The following FHOD1 variants were observed in gnomAD, a reference collection of about 807,000 sequenced individuals.
The protein encoded by FHOD1 is FH1/FH2 domain-containing protein 1.
Under a neutral mutation model 111.6 loss-of-function variants are expected in FHOD1, and 89 were observed. The observed-to-expected ratio is 0.80, with a 90% CI of 0.67 to 0.95. The LOEUF (loss-of-function observed/expected upper bound fraction) is 0.95. FHOD1 is among the 40% of genes least tolerant of loss of function. The pLI is 0.00. For missense variants in FHOD1, 1,446 were observed against 1,554.2 expected, an observed-to-expected ratio of 0.93 and a Z score of 1.17; for synonymous variants, 618 against 639.0, an observed-to-expected ratio of 0.97 and a Z score of 0.50.
chr16:67,238,791 G>A lies in FHOD1; in HGVS notation c.373+112C>T. 3 of 999,668 alleles carry A rather than the reference G, an allele frequency of 3.0e-6. No homozygotes were observed. The highest frequency in any genetic ancestry group is 4.8e-6 in the Non-Finnish European group (3 of 628,006). 61.9% of individuals were successfully genotyped at this position (999,668 alleles called of 1,614,324 possible). A position where few individuals can be genotyped will look rare whatever the true frequency, so the allele number is the denominator to read the frequency against. The stretch of plus-strand genomic sequence containing the variant: ...AAGAGGTCAGGATAGGGAGAGGAAG[G>A]AGCACATACAGCTAAACCTACTTTG... On this transcript the variant is annotated intron_variant, in intron 3 of 21. Transcript: ENST00000258201. This position sits in a 1 kb window ranked among gnomAD's most constrained non-coding sequence, Gnocchi z 4.2.
intron 1 of FHOD1, among the ~76,000 whole-genome samples, chr16:67,243,363 T>G (rs1269164739): frequency 6.6e-6 from 1 of 151,842 alleles, no homozygotes; most frequent in East Asian, 1.9e-4. Context: ...GGCACCGGAC[T>G]GCCTCTTTTT....
Position 67,237,474 on chromosome 16 carries a change from C to A in FHOD1, c.849+1G>T. 3.1e-6 allele frequency: 5 copies of A among 1,614,176 alleles called. No homozygotes were observed. Among genetic ancestry groups the A allele is most frequent in the Non-Finnish European group, 4.2e-6 (5 of 1,180,024 alleles). On this transcript the variant is annotated splice_donor_variant, in intron 8 of 21. Transcript: ENST00000258201. LOFTEE classifies it high-confidence loss of function. This position sits in a 1 kb window ranked among gnomAD's most constrained non-coding sequence, Gnocchi z 5.6. ...AGCTGGCACCCAGTCCTTGGCCACA[C>A]CTTGTTGATGAGGGTGACCGTGTAC...
intron 1 of FHOD1, among the ~76,000 whole-genome samples, chr16:67,243,702 CAGA>C (rs2034729340): frequency 6.6e-6 from 1 of 152,138 alleles, no homozygotes; most frequent in Non-Finnish European, 1.5e-5. Flanking sequence ...GGGCTGGGGC[CAGA>C]AGGATTGCCA....
rs1290436835 is a variant in FHOD1, at chr16:67,238,835, C to T, written c.373+68G>A. 4.0e-6 allele frequency: 6 copies of T among 1,494,262 alleles called. No homozygotes were observed. The highest frequency in any genetic ancestry group is 9.3e-7 in the Non-Finnish European group (1 of 1,070,614). 92.6% of individuals were successfully genotyped at this position (1,494,262 alleles called of 1,614,324 possible). On this transcript the variant is annotated intron_variant, in intron 3 of 21. Transcript: ENST00000258201. This position sits in a 1 kb window ranked among gnomAD's most constrained non-coding sequence, Gnocchi z 4.2. ...TACTTTGCTCACTGTTCAGCACAGG[C>T]CTGAAGGTGAGCCAACTGGGCTATG...
Position 67,231,689 on chromosome 16 carries a change from G to A in FHOD1, c.2333C>T (p.Ala778Val). Reference sequence around the variant, plus strand: ...GAAGGCCCAGAGTTGTAGACGAGCAGCGAGGCCGCCAATGGAGGCAAGAGT... The same window carrying A: ...GAAGGCCCAGAGTTGTAGACGAGCAACGAGGCCGCCAATGGAGGCAAGAGT... ...LMTLASIGGL[A>V]ARLQLWAFKL... is the part of the protein sequence containing the mutation. Residue 778 changes from alanine (A) to valine (V), a missense_variant, in exon 15 of 22, where the codon GCT (alanine) becomes GTT (valine). By Grantham distance (64) the Ala-to-Val change is moderately conservative. This residue lies in a region of FHOD1 where 1,085 missense variants were observed against 1,108.8 expected (regional missense o/e 0.98). Coordinates refer to ENST00000258201, the MANE Select transcript of FHOD1 (RefSeq NM_013241.3). The surrounding 1 kb of genome is among the most constrained non-coding windows in gnomAD (Gnocchi z 4.3). 6.2e-7 allele frequency: 1 copy of A among 1,614,184 alleles called. No homozygotes were observed. Among genetic ancestry groups the A allele is most frequent in the Non-Finnish European group, 8.5e-7 (1 of 1,180,028 alleles).
intron 21 of FHOD1, 21 bp downstream of exon 21, chr16:67,229,772 G>A: frequency 6.2e-7 from 1 of 1,614,164 alleles, no homozygotes; most frequent in South Asian, 1.1e-5. Context: ...GTGGGCAGTG[G>A]GATTGTGGGG....
rs557437499 is a variant in FHOD1 at position 67,247,377 on chromosome 16, G to A, written c.34C>T (p.Pro12Ser). Residue 12 changes from proline to serine, a missense_variant, in exon 1 of 22, where the codon CCG (proline) becomes TCG (serine). Coordinates refer to ENST00000258201, the MANE Select transcript of FHOD1 (RefSeq NM_013241.3). Reference sequence around the variant, plus strand: ...ACCCTCACGGTCACCACTGATACCGGCTCTCCGTCCCCGCGGTCTTCCCCG... The same window carrying A: ...ACCCTCACGGTCACCACTGATACCGACTCTCCGTCCCCGCGGTCTTCCCCG... ...AGGEDRGDGE[P>S]VSVVTVRVQY... 6.2e-7 allele frequency: 1 copy of A among 1,613,266 alleles called. No individual in the cohort carries two copies. Among genetic ancestry groups the A allele is most frequent in the Non-Finnish European group, 8.5e-7 (1 of 1,179,726 alleles).
intron 1 of FHOD1, among the ~76,000 whole-genome samples, chr16:67,244,938 C>G (rs753207662): frequency 6.6e-6 from 1 of 152,152 alleles, no homozygotes; most frequent in Non-Finnish European, 1.5e-5. Flanking sequence ...TATAGGACTA[C>G]GGGAGGAACC....
rs191952208 is a variant in FHOD1, at chr16:67,234,485, G to T, written c.1320-13C>A. On this transcript the variant is annotated splice_polypyrimidine_tract_variant and intron_variant, in intron 11 of 21. Transcript: ENST00000258201. ...CAGGAACCGGGCTCTGAGGGAAGGT[G>T]CTTGTCACTGACAGCGTCTGACACA... The T allele has an allele frequency of 5.8e-6, 9 of 1,564,902 alleles. No individual in the cohort carries two copies. The highest frequency in any genetic ancestry group is 5.2e-6 in the Non-Finnish European group (6 of 1,157,868).
At position 67,247,290 on chromosome 16, in the gene FHOD1, G is replaced by A; in HGVS notation, c.121C>T (p.Pro41Ser). The A allele has an allele frequency of 6.2e-7, 1 of 1,613,020 alleles. No individual in the cohort carries two copies. Among genetic ancestry groups the A allele is most frequent in the Non-Finnish European group, 8.5e-7 (1 of 1,179,710 alleles). Residue 41 changes from proline (P) to serine (S), a missense_variant, in exon 1 of 22, where the codon CCC becomes TCC. Coordinates refer to ENST00000258201, the MANE Select transcript of FHOD1 (RefSeq NM_013241.3). ...AGCGCCCCGTCCAGGCTGCAGGTGG[G>A]GGCCCGGCGCGGCTCCGGAAAGTTG... is the stretch of plus-strand genomic sequence containing the variant. ...CANFPEPRRA[P>S]TCSLDGALPL...
At chr16:67,247,023 AG>A (rs2034875213) in intron 1 of FHOD1, 186 bp downstream of exon 1, 2 of 637,622 alleles carry the variant, frequency 3.1e-6, no homozygotes, top group East Asian at 6.4e-5. Context: ...ACCCCTCTTC[AG>A]TTTCCCCTCA....
chr16:67,241,531 G>C (rs2034668010), intron 1 of FHOD1, among the ~76,000 whole-genome samples: 1 of 152,212 alleles, frequency 6.6e-6, no homozygotes, highest in Non-Finnish European at 1.5e-5. Flanking sequence ...CACACATATA[G>C]AACAGCTCAT....
Position 67,239,425 on chromosome 16 carries a change from G to C in FHOD1, c.231C>G (p.Pro77=), listed in dbSNP as rs138730472. 57 of 1,613,974 alleles carry C rather than the reference G, an allele frequency of 3.5e-5. No homozygotes were observed. The highest frequency in any genetic ancestry group is 4.7e-5 in the Non-Finnish European group (55 of 1,179,980). Residue 77 remains proline (P), a synonymous_variant, in exon 2 of 22, where the codon CCC becomes CCG. Transcript: ENST00000258201. ...GCTCGGTGTCCAGGTAGTATCCGGA[G>C]GGAGACACTTGCAGAGCACAATCCT... The part of the protein sequence containing the change: ...KLEDCALQVS[P]SGYYLDTELS...
chr16:67,238,009 TAAGGC>T lies in FHOD1; in HGVS notation c.642+20_642+24del. The T allele has an allele frequency of 3.1e-6, 5 of 1,610,338 alleles. No homozygotes were observed. Among genetic ancestry groups the T allele is most frequent in the Non-Finnish European group, 4.2e-6 (5 of 1,176,998 alleles). Reference sequence around the variant, plus strand: ...AGAGAGAAGCAACAGGCAAAGGGTATAAGGCTGAGTGGAGAGCCACTTACCAGGCT... The same window carrying T: ...AGAGAGAAGCAACAGGCAAAGGGTATTGAGTGGAGAGCCACTTACCAGGCT... On this transcript the variant is annotated intron_variant, in intron 6 of 21. Transcript: ENST00000258201. This position sits in a 1 kb window ranked among gnomAD's most constrained non-coding sequence, Gnocchi z 4.2.
chr16:67,239,109 G>T, intron 2 of FHOD1, 142 bp from the exon 3 acceptor site: 3 of 833,474 alleles, frequency 3.6e-6, no homozygotes, highest in Middle Eastern at 3.0e-4. Context: ...CCCAAGGGTT[G>T]GTCGGACAAG....
Position 67,237,350 on chromosome 16 carries a change from G to A in FHOD1, c.882C>T (p.Phe294=). 6.2e-7 allele frequency: 1 copy of A among 1,614,120 alleles called. No individual in the cohort carries two copies. The highest frequency in any genetic ancestry group is 1.1e-5 in the South Asian group (1 of 91,072). ...TLAALPDQDS[F]YDVTDALEQQ... Reference sequence around the variant, plus strand: ...GCTCCAGTGCATCCGTCACATCGTAGAAGGAGTCCTGGTCCGGGAGCGCCG... The same window carrying A: ...GCTCCAGTGCATCCGTCACATCGTAAAAGGAGTCCTGGTCCGGGAGCGCCG... The change falls in exon 9 of 22, where the codon TTC becomes TTT. Residue 294 remains phenylalanine (F), a synonymous_variant. Transcript: ENST00000258201. The surrounding 1 kb of genome is among the most constrained non-coding windows in gnomAD (Gnocchi z 5.6).
intron 13 of FHOD1, among the ~76,000 whole-genome samples, chr16:67,232,518 CAAAAAAAA>C (rs988902359): frequency 2.1e-5 from 1 of 48,606 alleles, no homozygotes; most frequent in South Asian, 6.8e-4. Context: ...GACTCTGTCT[CAAAAAAAA>C]AAAAAAAAAA....
rs1567387481 is a variant in FHOD1, at chr16:67,234,196, C to G, written c.1507G>C (p.Val503Leu). ...ARTPQSPAPC[V>L]LLRAQRSLAP... is the part of the protein sequence containing the mutation. ...AGGCTTCGCTGGGCCCGGAGCAGGACACAGGGGGCAGGGCTCTGGGGTGTT... is the reference window on the plus strand; with the variant it reads ...AGGCTTCGCTGGGCCCGGAGCAGGAGACAGGGGGCAGGGCTCTGGGGTGTT... The change falls in exon 13 of 22, where the codon GTC becomes CTC. Residue 503 changes from valine to leucine, a missense_variant. Val to Leu is a conservative substitution (Grantham distance 32, BLOSUM62 1). Around this residue, in one of 3 missense-constraint regions of FHOD1, gnomAD observed 1,085 missense variants for 1,108.8 expected, o/e 0.98. Transcript: ENST00000258201. 6.5e-7 allele frequency: 1 copy of G among 1,548,676 alleles called. No individual in the cohort carries two copies. Among genetic ancestry groups the G allele is most frequent in the Non-Finnish European group, 8.7e-7 (1 of 1,145,770 alleles).
chr16:67,239,433 C>A lies in FHOD1; in HGVS notation c.223G>T (p.Val75Leu), dbSNP rs868071545. 6.2e-7 allele frequency: 1 copy of A among 1,614,124 alleles called. No homozygotes were observed. The highest frequency in any genetic ancestry group is 8.5e-7 in the Non-Finnish European group (1 of 1,179,996). The change falls in exon 2 of 22, where the codon GTG becomes TTG. Residue 75 changes from valine (V) to leucine (L), a missense_variant. By Grantham distance (32) the Val-to-Leu change is conservative. Coordinates refer to ENST00000258201, the MANE Select transcript of FHOD1 (RefSeq NM_013241.3). Reference protein sequence around the residue: ...PLKLEDCALQVSPSGYYLDTE... With the variant: ...PLKLEDCALQLSPSGYYLDTE... ...TCCAGGTAGTATCCGGAGGGAGACA[C>A]TTGCAGAGCACAATCCTCCAACTGG...
Sources: gnomAD v4.1 joint callset for allele counts (sites outside exome capture counted in the v4.1 genomes callset) on GRCh38, gnomAD v4.1.1 for gene constraint, gnomAD v4.1.1 regional missense constraint, Gnocchi (gnomAD v3.1) non-coding constraint, MANE v1.5 for transcripts, NCBI Gene and HGNC (gene_info 2026-07-23, HGNC 2026-07-21) for gene names.